The following ADARB2 variants were observed in gnomAD, a reference collection of about 807,000 sequenced individuals.
ADARB2 encodes the protein adenosine deaminase RNA specific B2 (inactive), also known as inactive double-stranded RNA-specific editase B2.
In ADARB2, 25 loss-of-function variants were observed where a neutral mutation model predicts 62.2. The ratio of observed to expected loss-of-function variants is 0.40; its 90% CI spans 0.29 to 0.56. The LOEUF is 0.56. Among genes scored for constraint, ADARB2 ranks in the 20% least tolerant of loss-of-function variants. The probability of loss-of-function intolerance (pLI) is 0.43; values close to 1 mark genes in which losing one functional copy is unlikely to be tolerated. For synonymous variants in ADARB2, 572 were observed against 500.8 expected (o/e 1.14, Z -1.90); for missense variants, 1,071 against 1,077.4 (o/e 0.99, Z 0.08).
intron 4 of ADARB2, among the ~76,000 whole-genome samples, chr10:1,269,090 G>T (rs1390077228): frequency 6.6e-6 from 1 of 151,976 alleles, no homozygotes; most frequent in African/African-American, 2.4e-5. Flanking sequence ...CAGGGTGGCT[G>T]GTGCCCCTCC....
chr10:1,603,926 T>C (rs1268819482), intron 1 of ADARB2, among the ~76,000 whole-genome samples: 2 of 152,078 alleles, frequency 1.3e-5, no homozygotes, highest in African/African-American at 4.8e-5. Context: ...TGCCTCAGCC[T>C]CCTGAGTAGC....
intron 1 of ADARB2, among the ~76,000 whole-genome samples, chr10:1,653,986 T>A (rs1404214492): frequency 6.6e-6 from 1 of 151,950 alleles, no homozygotes; most frequent in East Asian, 1.9e-4. Flanking sequence ...CGCAGGGAGA[T>A]GCCCCACAGC....
chr10:1,410,776 G>A (rs901785519), intron 1 of ADARB2, among the ~76,000 whole-genome samples: 5 of 152,104 alleles, frequency 3.3e-5, no homozygotes, highest in Non-Finnish European at 5.9e-5. Flanking sequence ...AGGAATCGTC[G>A]GTGCAATTTT....
intron 1 of ADARB2, among the ~76,000 whole-genome samples, chr10:1,584,142 CTTAAT>C (rs1308399116): frequency 6.6e-6 from 1 of 151,994 alleles, no homozygotes; most frequent in Non-Finnish European, 1.5e-5. Flanking sequence ...ATAAATGGGA[CTTAAT>C]TTAAAAACTT....
chr10:1,326,820 A>C (rs12360067), intron 3 of ADARB2, among the ~76,000 whole-genome samples: 1 of 74,830 alleles, frequency 1.3e-5, no homozygotes, highest in African/African-American at 4.0e-5. Flanking sequence ...GCGCCTCCCC[A>C]CGGCCCAGCG....
At position 1,602,183 on chromosome 10, in the gene ADARB2, C is replaced by A. The variant is rs565924135; in HGVS notation, c.100+134868G>T. 3.9e-5 allele frequency among the ~76,000 whole-genome samples: 6 copies of A among 152,296 alleles called. No homozygotes were observed. The East Asian group carries it at 9.7e-4, about 25-fold the overall frequency. Reference sequence around the variant, plus strand: ...TGACTCCACACGGGGGACTGACTCCCAGAGACCCTGATGTGGACTTTCAAA... The same window carrying A: ...TGACTCCACACGGGGGACTGACTCCAAGAGACCCTGATGTGGACTTTCAAA... On this transcript the variant is annotated intron_variant, in intron 1 of 9. Coordinates refer to ENST00000381312, the MANE Select transcript of ADARB2 (RefSeq NM_018702.4).
intron 4 of ADARB2, among the ~76,000 whole-genome samples, chr10:1,254,803 A>G (rs1195433800): frequency 6.6e-6 from 1 of 152,214 alleles, no homozygotes; most frequent in African/African-American, 2.4e-5. Flanking sequence ...TTGCACACAT[A>G]TGGTGCTCAA....
chr10:1,727,979 G>C (rs930442176), intron 1 of ADARB2, among the ~76,000 whole-genome samples: 2 of 152,214 alleles, frequency 1.3e-5, no homozygotes, highest in Non-Finnish European at 2.9e-5. Flanking sequence ...GAATTGGATA[G>C]CACGCACCAT....
At chr10:1,415,457 G>A (rs988414745) in intron 1 of ADARB2, among the ~76,000 whole-genome samples, 2 of 151,936 alleles carry the variant, frequency 1.3e-5, no homozygotes, top group Non-Finnish European at 2.9e-5. Flanking sequence ...ATGAGTTGAT[G>A]AGTGGATGGA....
At chr10:1,658,365 TTC>T (rs1007445271) in intron 1 of ADARB2, among the ~76,000 whole-genome samples, 27 of 152,092 alleles carry the variant, frequency 1.8e-4, no homozygotes, top group African/African-American at 5.1e-4. Flanking sequence ...CTCTCTGTTT[TTC>T]TCTGTCTCTC....
chr10:1,727,533 G>A (rs1835181566), intron 1 of ADARB2, among the ~76,000 whole-genome samples: 1 of 152,158 alleles, frequency 6.6e-6, no homozygotes, highest in South Asian at 2.1e-4. Flanking sequence ...TTTTAATTGA[G>A]TAGCTATTAT....
At chr10:1,509,713 G>T (rs1831896593) in intron 1 of ADARB2, among the ~76,000 whole-genome samples, 1 of 152,246 alleles carries the variant, frequency 6.6e-6, no homozygotes. Flanking sequence ...TTAGGTCCGT[G>T]CAGGCTCAAA....
chr10:1,287,378 CTG>C (rs1301045404), intron 3 of ADARB2, among the ~76,000 whole-genome samples: 1 of 152,202 alleles, frequency 6.6e-6, no homozygotes, highest in Admixed American at 6.5e-5. Flanking sequence ...CAAAGACTTA[CTG>C]TAATGAGAGC....
intron 1 of ADARB2, among the ~76,000 whole-genome samples, chr10:1,470,181 C>G (rs1452234027): frequency 6.6e-6 from 1 of 151,846 alleles, no homozygotes; most frequent in Non-Finnish European, 1.5e-5. Flanking sequence ...AAATGATTCC[C>G]CTAGCCACTT....
At chr10:1,307,219 C>T (rs1399904513) in intron 3 of ADARB2, among the ~76,000 whole-genome samples, 1 of 91,154 alleles carries the variant, frequency 1.1e-5, no homozygotes, top group Non-Finnish European at 2.6e-5. Context: ...CTACAATGAA[C>T]TCAAACAAAT....
At chr10:1,198,354 A>G (rs1836938207) in intron 8 of ADARB2, among the ~76,000 whole-genome samples, 1 of 152,206 alleles carries the variant, frequency 6.6e-6, no homozygotes. Context: ...TCATTTGCTT[A>G]TTTGAGGGTG....
Position 1,529,419 on chromosome 10 carries a change from C to T in ADARB2, c.101-150259G>A, listed in dbSNP as rs141699006. ...GATTGAGGGGGAAGATTAGGGAAGG[C>T]GAGGACCTGAGAAATCTGACTCCCT... On this transcript the variant is annotated intron_variant, in intron 1 of 9. Transcript: ENST00000381312. Among the ~76,000 whole-genome samples the T allele has an allele frequency of 3.6e-3, 542 of 152,272 alleles. 4 individuals carry two copies. Among genetic ancestry groups the T allele is most frequent in the African/African-American group, 0.012 (498 of 41,554 alleles).
intron 1 of ADARB2, among the ~76,000 whole-genome samples, chr10:1,574,404 C>T (rs545332876): frequency 5.9e-5 from 9 of 152,156 alleles, no homozygotes; most frequent in East Asian, 1.9e-4. Flanking sequence ...GGGCAGACGA[C>T]GGGAGCCAGA....
At chr10:1,552,250 C>T (rs1373284536) in intron 1 of ADARB2, among the ~76,000 whole-genome samples, 1 of 152,242 alleles carries the variant, frequency 6.6e-6, no homozygotes, top group African/African-American at 2.4e-5. Flanking sequence ...CACTCCAGGG[C>T]AGCTGTGGCC....
Sources: gnomAD v4.1 joint callset for allele counts (sites outside exome capture counted in the v4.1 genomes callset) on GRCh38, gnomAD v4.1.1 for gene constraint, MANE v1.5 for transcripts, NCBI Gene and HGNC (gene_info 2026-07-23, HGNC 2026-07-21) for gene names.